KIRREL3: variants seen among roughly 807,000 people sequenced by gnomAD.
The protein encoded by KIRREL3 is kirre like nephrin family adhesion molecule 3, also known as kin of IRRE-like protein 3.
A neutral mutation model predicts 89.7 loss-of-function variants in KIRREL3; 36 were observed. The observed-to-expected ratio is 0.40, with a 90% CI of 0.31 to 0.53. The LOEUF (loss-of-function observed/expected upper bound fraction) is 0.53. KIRREL3 is among the 20% of genes least tolerant of loss of function. The probability of loss-of-function intolerance (pLI) is 0.49; values close to 1 mark genes in which losing one functional copy is unlikely to be tolerated. For synonymous variants in KIRREL3, 445 were observed against 441.4 expected (o/e 1.01, Z -0.10); for missense variants, 864 against 1,056.6 (o/e 0.82, Z 2.53).
In KIRREL3 at chr11:126,906,111, C is replaced by T. The variant is rs927340795; in HGVS notation, c.55+94344G>A. ...CCAATCACACTGCAGCAGGAGCACA[C>T]TCCAGCCCATCCTGCCCCTCTCTGA... is the stretch of plus-strand genomic sequence containing the variant. On this transcript the variant is annotated intron_variant, in intron 1 of 16. Coordinates refer to ENST00000525144, the MANE Select transcript of KIRREL3 (RefSeq NM_032531.4). The surrounding 1 kb of genome is among the most constrained non-coding windows in gnomAD (Gnocchi z 4.1). Among the ~76,000 whole-genome samples, 3 of 152,232 alleles carry T rather than the reference C, an allele frequency of 2.0e-5. No homozygotes were observed. Among genetic ancestry groups the T allele is most frequent in the Admixed American group, 1.3e-4 (2 of 15,290 alleles).
intron 1 of KIRREL3, among the ~76,000 whole-genome samples, chr11:126,928,095 C>A (rs906303080): frequency 6.6e-6 from 1 of 152,236 alleles, no homozygotes; most frequent in Admixed American, 6.5e-5. Flanking sequence ...GCTCAAATCA[C>A]ACAAGTCATT....
In KIRREL3 at chr11:126,999,749, C is replaced by T. The variant is rs144644571; in HGVS notation, c.55+706G>A. Among the ~76,000 whole-genome samples, 265 of 152,310 alleles carry T rather than the reference C, an allele frequency of 1.7e-3. 2 individuals carry two copies. Among genetic ancestry groups the T allele is most frequent in the African/African-American group, 5.8e-3 (243 of 41,576 alleles). ...AGCCTAGAGGTGGCAAAGTTCTTTCCGGAGAGTCCACCTGCTTCTCTGCCC... is the reference window on the plus strand; with the variant it reads ...AGCCTAGAGGTGGCAAAGTTCTTTCTGGAGAGTCCACCTGCTTCTCTGCCC... On this transcript the variant is annotated intron_variant, in intron 1 of 16. Coordinates refer to ENST00000525144, the MANE Select transcript of KIRREL3 (RefSeq NM_032531.4). The surrounding 1 kb of genome is among the most constrained non-coding windows in gnomAD (Gnocchi z 5.7).
chr11:126,495,146 G>T lies in KIRREL3; in HGVS notation c.434-21680C>A, dbSNP rs1382212348. ...TTGCTCGGACCCTGGGCTGTGCTGTGTGTGGGGAAGGACTAGCAGGAAGGG... is the reference window on the plus strand; with the variant it reads ...TTGCTCGGACCCTGGGCTGTGCTGTTTGTGGGGAAGGACTAGCAGGAAGGG... On this transcript the variant is annotated intron_variant, in intron 4 of 16. Transcript: ENST00000525144. The surrounding 1 kb of genome is among the most constrained non-coding windows in gnomAD (Gnocchi z 6.5). Among the ~76,000 whole-genome samples, 1 of 152,206 alleles carries T rather than the reference G, an allele frequency of 6.6e-6. No individual in the cohort carries two copies. Among genetic ancestry groups the T allele is most frequent in the Non-Finnish European group, 1.5e-5 (1 of 68,026 alleles).
rs188144192 is a variant in KIRREL3 at position 126,715,831 on chromosome 11, C to T, written c.56-152919G>A. 1.5e-4 allele frequency among the ~76,000 whole-genome samples: 23 copies of T among 152,278 alleles called. No individual in the cohort carries two copies. The highest frequency in any genetic ancestry group is 7.7e-4 in the East Asian group (4 of 5,178). ...GGTTGCAGAGAGGCCAGTGTTCCAC[C>T]GTCAAGAGCGCAGAAAAGCCCTTGG... On this transcript the variant is annotated intron_variant, in intron 1 of 16. Coordinates refer to ENST00000525144, the MANE Select transcript of KIRREL3 (RefSeq NM_032531.4). This position sits in a 1 kb window ranked among gnomAD's most constrained non-coding sequence, Gnocchi z 4.4.
chr11:126,450,834 C>T (rs565990412), intron 7 of KIRREL3, among the ~76,000 whole-genome samples: 8 of 127,866 alleles, frequency 6.3e-5, no homozygotes, highest in Middle Eastern at 6.6e-3. Flanking sequence ...TGTGTGTATG[C>T]GTGTATAGAT....
intron 2 of KIRREL3, among the ~76,000 whole-genome samples, chr11:126,560,514 C>G (rs1436894751): frequency 6.6e-6 from 1 of 152,212 alleles, no homozygotes; most frequent in Non-Finnish European, 1.5e-5. Context: ...CTATAAAGCT[C>G]CTGTTCATTC....
At chr11:126,893,942 T>A (rs949749931) in intron 1 of KIRREL3, among the ~76,000 whole-genome samples, 2 of 152,198 alleles carry the variant, frequency 1.3e-5, no homozygotes, top group East Asian at 3.8e-4. Flanking sequence ...GAGCCGCGTG[T>A]GACTTGGTAT....
intron 1 of KIRREL3, among the ~76,000 whole-genome samples, chr11:126,700,763 C>T (rs1469483167): frequency 6.6e-6 from 1 of 152,172 alleles, no homozygotes; most frequent in African/African-American, 2.4e-5. Flanking sequence ...ATTCTCTCCC[C>T]ACCCCATAAT....
At chr11:126,845,089 C>T (rs1944095022) in intron 1 of KIRREL3, among the ~76,000 whole-genome samples, 1 of 152,176 alleles carries the variant, frequency 6.6e-6, no homozygotes, top group Admixed American at 6.5e-5. Context: ...GATGATGGGG[C>T]CCAACTGGGG....
rs528103952 is a variant in KIRREL3 at position 126,683,904 on chromosome 11, A to G, written c.56-120992T>C. Among the ~76,000 whole-genome samples, 4 of 152,068 alleles carry G rather than the reference A, an allele frequency of 2.6e-5. No homozygotes were observed. The highest frequency in any genetic ancestry group is 9.6e-5 in the African/African-American group (4 of 41,482). ...GTCCATCTACCGGGGTCACTGAGTC[A>G]CTCCTGCCCAGGTCCCCCTTCAGGG... On this transcript the variant is annotated intron_variant, in intron 1 of 16. Transcript: ENST00000525144. This position sits in a 1 kb window ranked among gnomAD's most constrained non-coding sequence, Gnocchi z 5.2.
At position 126,622,390 on chromosome 11, in the gene KIRREL3, AGTCGGTTCT is replaced by A. The variant is rs1943608528; in HGVS notation, c.56-59487_56-59479del. On this transcript the variant is annotated intron_variant, in intron 1 of 16. Transcript: ENST00000525144. The surrounding 1 kb of genome is among the most constrained non-coding windows in gnomAD (Gnocchi z 5.2). ...CCTTGGAGTCTGGAGGGAGGAGAGG[AGTCGGTTCT>A]GGCTTGTGAGCCATGGTGCTACTGG... Among the ~76,000 whole-genome samples, 1 of 152,124 alleles carries A rather than the reference AGTCGGTTCT, an allele frequency of 6.6e-6. No individual in the cohort carries two copies. The highest frequency in any genetic ancestry group is 1.5e-5 in the Non-Finnish European group (1 of 68,020).
intron 1 of KIRREL3, among the ~76,000 whole-genome samples, chr11:126,573,819 A>G (rs949964985): frequency 6.6e-6 from 1 of 152,204 alleles, no homozygotes; most frequent in East Asian, 1.9e-4. Flanking sequence ...AAGAGAGGAA[A>G]GGAATAACAG....
At chr11:126,835,994 A>G (rs901149487) in intron 1 of KIRREL3, among the ~76,000 whole-genome samples, 1 of 152,202 alleles carries the variant, frequency 6.6e-6, no homozygotes, top group Non-Finnish European at 1.5e-5. Context: ...ACTTGGTATG[A>G]ATTGTTACAC....
intron 7 of KIRREL3, among the ~76,000 whole-genome samples, chr11:126,451,089 ATATGTGTCCATGTGCATGTGTGCATG>A (rs1201217779): frequency 9.9e-6 from 1 of 101,148 alleles, no homozygotes; most frequent in Non-Finnish European, 1.9e-5. Flanking sequence ...GCGTGTGTGC[ATATGTGTCCATGTGCATGTGTGCATG>A]TGTGTGTGTG....
intron 1 of KIRREL3, among the ~76,000 whole-genome samples, chr11:126,732,559 G>A (rs61506509): frequency 0.039 from 5,952 of 152,274 alleles, 384 homozygotes; most frequent in African/African-American, 0.13. Context: ...ATACCTGCTT[G>A]TCTCGGGAAA....
Position 126,931,795 on chromosome 11 carries a change from T to C in KIRREL3, c.55+68660A>G, listed in dbSNP as rs1420344980. Reference sequence around the variant, plus strand: ...CCCTTATGGCAAAGAGAAAAGATGGTGACAAATGATGCTAGTAACTGAGGG... The same window carrying C: ...CCCTTATGGCAAAGAGAAAAGATGGCGACAAATGATGCTAGTAACTGAGGG... On this transcript the variant is annotated intron_variant, in intron 1 of 16. Transcript: ENST00000525144. The surrounding 1 kb of genome is among the most constrained non-coding windows in gnomAD (Gnocchi z 5.1). Among the ~76,000 whole-genome samples the C allele has an allele frequency of 6.6e-6, 1 of 151,986 alleles. No individual in the cohort carries two copies. Among genetic ancestry groups the C allele is most frequent in the Non-Finnish European group, 1.5e-5 (1 of 68,002 alleles).
intron 1 of KIRREL3, among the ~76,000 whole-genome samples, chr11:126,934,014 A>AC (rs1565436423): frequency 7.1e-6 from 1 of 141,640 alleles, no homozygotes; most frequent in Non-Finnish European, 1.5e-5. Context: ...AAAAAAAAAA[A>AC]ATGCAAAAGA....
rs1433262201 is a variant in KIRREL3 at position 126,454,548 on chromosome 11, G to A, written c.848+1801C>T. On this transcript the variant is annotated intron_variant, in intron 7 of 16. Coordinates refer to ENST00000525144, the MANE Select transcript of KIRREL3 (RefSeq NM_032531.4). This position sits in a 1 kb window ranked among gnomAD's most constrained non-coding sequence, Gnocchi z 5.8. ...ATGACAGATATTTTCTGGGCATGTTGTACCTGGTGTTTAGGGACCAGGAGC... is the reference window on the plus strand; with the variant it reads ...ATGACAGATATTTTCTGGGCATGTTATACCTGGTGTTTAGGGACCAGGAGC... Among the ~76,000 whole-genome samples, 1 of 152,172 alleles carries A rather than the reference G, an allele frequency of 6.6e-6. No homozygotes were observed. Among genetic ancestry groups the A allele is most frequent in the East Asian group, 1.9e-4 (1 of 5,200 alleles).
At position 126,796,421 on chromosome 11, in the gene KIRREL3, G is replaced by A. The variant is rs1348789205; in HGVS notation, c.55+204034C>T. ...TCCCGCAGCATTGGGTGTGGAGGAAGGCTGAAGGAGGGGACGCGCAGTTGT... is the reference window on the plus strand; with the variant it reads ...TCCCGCAGCATTGGGTGTGGAGGAAAGCTGAAGGAGGGGACGCGCAGTTGT... On this transcript the variant is annotated intron_variant, in intron 1 of 16. Coordinates refer to ENST00000525144, the MANE Select transcript of KIRREL3 (RefSeq NM_032531.4). This position sits in a 1 kb window ranked among gnomAD's most constrained non-coding sequence, Gnocchi z 5.1. Among the ~76,000 whole-genome samples, 1 of 152,150 alleles carries A rather than the reference G, an allele frequency of 6.6e-6. No individual in the cohort carries two copies. Among genetic ancestry groups the A allele is most frequent in the African/African-American group, 2.4e-5 (1 of 41,442 alleles).
Sources: gnomAD v4.1 joint callset for allele counts (sites outside exome capture counted in the v4.1 genomes callset) on GRCh38, gnomAD v4.1.1 for gene constraint, Gnocchi (gnomAD v3.1) non-coding constraint, MANE v1.5 for transcripts, NCBI Gene and HGNC (gene_info 2026-07-23, HGNC 2026-07-21) for gene names.